The following SUSD4 variants were observed in gnomAD, a reference collection of about 807,000 sequenced individuals.
The protein encoded by SUSD4 is sushi domain-containing protein 4.
In SUSD4, 41 loss-of-function variants were observed where a neutral mutation model predicts 50.5. The ratio of observed to expected loss-of-function variants is 0.81; its 90% CI spans 0.63 to 1.05. SUSD4 has a LOEUF of 1.05. Ranked by LOEUF, SUSD4 falls within the 50% of genes least tolerant of loss-of-function variation. The pLI is 0.00. For synonymous variants in SUSD4, 257 were observed against 257.3 expected (o/e 1.00, Z 0.01); for missense variants, 580 against 634.7 (o/e 0.91, Z 0.93).
intron 5 of SUSD4, among the ~76,000 whole-genome samples, chr1:223,238,512 A>C (rs1344204041): frequency 2.0e-5 from 3 of 151,942 alleles, no homozygotes; most frequent in Admixed American, 6.6e-5. Context: ...CACTGCTTTC[A>C]CTGCACCCCA....
intron 2 of SUSD4, among the ~76,000 whole-genome samples, chr1:223,318,684 C>T (rs554905482): frequency 8.0e-5 from 12 of 150,760 alleles, no homozygotes; most frequent in East Asian, 2.0e-4. Flanking sequence ...TCATGTCCTT[C>T]GCCCACTTTT....
chr1:223,233,616 A>G (rs1660030616), intron 5 of SUSD4, among the ~76,000 whole-genome samples: 1 of 152,202 alleles, frequency 6.6e-6, no homozygotes, highest in Admixed American at 6.5e-5. Context: ...AGCCCCATGA[A>G]CAACGGCCAC....
At chr1:223,323,123 T>A (rs1666677360) in intron 2 of SUSD4, among the ~76,000 whole-genome samples, 1 of 151,632 alleles carries the variant, frequency 6.6e-6, no homozygotes. Flanking sequence ...CTGCTCCTCC[T>A]CTCTTAGGGG....
chr1:223,314,349 G>A (rs780773665), intron 2 of SUSD4, among the ~76,000 whole-genome samples: 27 of 152,074 alleles, frequency 1.8e-4, no homozygotes, highest in Non-Finnish European at 3.4e-4. Flanking sequence ...TCAGCGGGGT[G>A]GCGGAACAGA....
At chr1:223,240,083 T>C (rs1660478828) in intron 5 of SUSD4, among the ~76,000 whole-genome samples, 1 of 152,314 alleles carries the variant, frequency 6.6e-6, no homozygotes, top group African/African-American at 2.4e-5. Flanking sequence ...TTTTTTTCTC[T>C]CAACACTTTA....
chr1:223,255,789 C>T (rs1465219381), intron 5 of SUSD4, among the ~76,000 whole-genome samples: 2 of 152,192 alleles, frequency 1.3e-5, no homozygotes, highest in African/African-American at 4.8e-5. Flanking sequence ...TCCTTTTCTG[C>T]CGATTAAATT....
intron 5 of SUSD4, among the ~76,000 whole-genome samples, chr1:223,242,722 C>A (rs758260073): frequency 1.3e-5 from 2 of 152,328 alleles, no homozygotes; most frequent in African/African-American, 4.8e-5. Flanking sequence ...AAATAATACC[C>A]GCTCACTAGA....
intron 3 of SUSD4, among the ~76,000 whole-genome samples, chr1:223,277,304 ATT>A (rs3036647): frequency 0.44 from 65,945 of 150,782 alleles, 14,997 homozygotes; most frequent in African/African-American, 0.57. Flanking sequence ...AATGGATGAT[ATT>A]TTTTTTTTTT....
chr1:223,262,933 C>G (rs1178658914), intron 5 of SUSD4, among the ~76,000 whole-genome samples: 2 of 152,186 alleles, frequency 1.3e-5, no homozygotes, highest in Non-Finnish European at 2.9e-5. Context: ...GACTCATTTT[C>G]AACCCAAAGC....
chr1:223,279,631 T>C (rs1663545946), intron 3 of SUSD4, among the ~76,000 whole-genome samples: 1 of 152,260 alleles, frequency 6.6e-6, no homozygotes. Flanking sequence ...CTGAAAGTGA[T>C]GGGGAGAATG....
chr1:223,301,895 T>C (rs1665221470), intron 2 of SUSD4, among the ~76,000 whole-genome samples: 1 of 152,162 alleles, frequency 6.6e-6, no homozygotes, highest in Non-Finnish European at 1.5e-5. Flanking sequence ...CACCTTGAGT[T>C]TCCCATCATC....
At chr1:223,232,534 A>T (rs893085649) in intron 5 of SUSD4, among the ~76,000 whole-genome samples, 1 of 152,222 alleles carries the variant, frequency 6.6e-6, no homozygotes, top group African/African-American at 2.4e-5. Context: ...AAGCACAGAA[A>T]ATGTCATGAA....
In SUSD4 at chr1:223,292,355, T is replaced by C. The variant is rs1035016988; in HGVS notation, c.361+84A>G. The C allele has an allele frequency of 5.5e-6, 8 of 1,445,262 alleles. No homozygotes were observed. The Admixed American group carries it at 6.8e-5, about 12-fold the overall frequency. 89.5% of individuals were successfully genotyped at this position (1,445,262 alleles called of 1,614,324 possible). ...GCATCAGAGAGAAGAGCCCAGGGTA[T>C]TGAGCTGTCACACAGCCCTGCACCC... is the stretch of plus-strand genomic sequence containing the variant. On this transcript the variant is annotated intron_variant, in intron 3 of 8. Coordinates refer to ENST00000366878, the MANE Select transcript of SUSD4 (RefSeq NM_017982.4).
chr1:223,278,942 T>C (rs1014638251), intron 3 of SUSD4, among the ~76,000 whole-genome samples: 3 of 152,210 alleles, frequency 2.0e-5, no homozygotes, highest in Non-Finnish European at 4.4e-5. Flanking sequence ...CCACTGCTGA[T>C]ACCCAGGCAA....
chr1:223,360,358 T>C (rs1038697146), intron 2 of SUSD4: 1 of 401,820 alleles, frequency 2.5e-6, no homozygotes, highest in Non-Finnish European at 5.1e-6. Context: ...TCCATGCAGA[T>C]TCCACACACG....
intron 2 of SUSD4, among the ~76,000 whole-genome samples, chr1:223,348,208 T>C (rs1434049336): frequency 6.6e-6 from 1 of 152,226 alleles, no homozygotes; most frequent in Non-Finnish European, 1.5e-5. Context: ...CAATATGTCA[T>C]AACAACATGC....
At chr1:223,355,347 T>G (rs1301981902) in intron 2 of SUSD4, among the ~76,000 whole-genome samples, 1 of 151,972 alleles carries the variant, frequency 6.6e-6, no homozygotes, top group Non-Finnish European at 1.5e-5. Context: ...GTGCTGGGAT[T>G]ACAGGCATGA....
chr1:223,315,262 G>T (rs780960643), intron 2 of SUSD4, among the ~76,000 whole-genome samples: 1 of 152,228 alleles, frequency 6.6e-6, no homozygotes, highest in Non-Finnish European at 1.5e-5. Flanking sequence ...CAGGTTAGGA[G>T]GACGTTAGAA....
chr1:223,327,566 G>A (rs1341574312), intron 2 of SUSD4, among the ~76,000 whole-genome samples: 1 of 152,114 alleles, frequency 6.6e-6, no homozygotes, highest in African/African-American at 2.4e-5. Context: ...CCATGCTTGG[G>A]GCCACAAGGC....
Sources: gnomAD v4.1 joint callset for allele counts (sites outside exome capture counted in the v4.1 genomes callset) on GRCh38, gnomAD v4.1.1 for gene constraint, MANE v1.5 for transcripts, NCBI Gene and HGNC (gene_info 2026-07-23, HGNC 2026-07-21) for gene names.